Variants in MORC2 observed in about 807,000 individuals in gnomAD.
MORC2 encodes ATPase MORC2.
A neutral mutation model predicts 136.0 loss-of-function variants in MORC2; 30 were observed. The observed-to-expected ratio is 0.22, with a 90% CI of 0.17 to 0.30. The LOEUF is 0.30. Ranked by LOEUF, MORC2 falls within the 10% of genes least tolerant of loss-of-function variation. The pLI is 1.00. For missense variants in MORC2, 922 were observed against 1,333.1 expected (o/e 0.69, Z 4.80); for synonymous variants, 439 against 487.0 (o/e 0.90, Z 1.30).
intron 1 of MORC2, 81 bp downstream of exon 1, chr22:30,967,741 A>G (rs775624779): frequency 2.2e-5 from 34 of 1,541,158 alleles, no homozygotes; most frequent in Non-Finnish European, 3.0e-5. Context: ...TGAAAAAGCA[A>G]AATTTTCTGG....
chr22:30,960,074 T>C (rs2041021451), intron 1 of MORC2, among the ~76,000 whole-genome samples: 1 of 152,160 alleles, frequency 6.6e-6, no homozygotes, highest in South Asian at 2.1e-4. Flanking sequence ...TTCAAGTGAT[T>C]CTCCTGCCTT....
chr22:30,945,053 T>C (rs2040795904), intron 6 of MORC2, among the ~76,000 whole-genome samples: 1 of 152,186 alleles, frequency 6.6e-6, no homozygotes, highest in Non-Finnish European at 1.5e-5. Context: ...ACCACCTTTC[T>C]CCAGGTGGCC....
intron 6 of MORC2, among the ~76,000 whole-genome samples, chr22:30,943,833 G>C (rs918303753): frequency 6.6e-6 from 1 of 152,132 alleles, no homozygotes; most frequent in African/African-American, 2.4e-5. Flanking sequence ...CCAATGGCAC[G>C]ATCTCGGCTC....
chr22:30,932,297 CAA>C lies in MORC2; in HGVS notation c.2841+60_2841+61del. On this transcript the variant is annotated intron_variant, in intron 24 of 25. Coordinates refer to ENST00000397641, the MANE Select transcript of MORC2 (RefSeq NM_001303256.3). The surrounding 1 kb of genome is among the most constrained non-coding windows in gnomAD (Gnocchi z 4.4). ...ACAATCATAATCACAACAGTTACAA[CAA>C]ATGCAGGGGCAGGGGTGGGGGAATG... 1 of 1,375,272 alleles carries C rather than the reference CAA, an allele frequency of 7.3e-7. No homozygotes were observed. Among genetic ancestry groups the C allele is most frequent in the Non-Finnish European group, 1.0e-6 (1 of 983,084 alleles). 85.2% of individuals were successfully genotyped at this position (1,375,272 alleles called of 1,614,324 possible). A position where few individuals can be genotyped will look rare whatever the true frequency, so the allele number is the denominator to read the frequency against.
intron 1 of MORC2, among the ~76,000 whole-genome samples, chr22:30,962,594 CAA>C (rs11317522): frequency 1.1e-3 from 131 of 117,262 alleles, no homozygotes; most frequent in Non-Finnish European, 1.4e-3. Flanking sequence ...GACCCTGTCT[CAA>C]AAAAAAAAAA....
chr22:30,965,540 G>A (rs2041115462), intron 1 of MORC2, among the ~76,000 whole-genome samples: 1 of 152,208 alleles, frequency 6.6e-6, no homozygotes, highest in African/African-American at 2.4e-5. Context: ...CATCAAAAAG[G>A]AGAACAACTT....
In MORC2 at chr22:30,938,127, G is replaced by A. The variant is rs1246103819; in HGVS notation, c.1152C>T (p.Ile384=). ...IEHRDLDGMF[I]YNCSRLIKMY... ...TTTTGATCAGTCGGCTACAGTTGTAGATGAACATGCCATCCAGATCCCGGT... is the reference window on the plus strand; with the variant it reads ...TTTTGATCAGTCGGCTACAGTTGTAAATGAACATGCCATCCAGATCCCGGT... The change falls in exon 13 of 26, where the codon ATC becomes ATT. Residue 384 remains isoleucine, a synonymous_variant. Coordinates refer to ENST00000397641, the MANE Select transcript of MORC2 (RefSeq NM_001303256.3). 7 of 1,614,100 alleles carry A rather than the reference G, an allele frequency of 4.3e-6. No individual in the cohort carries two copies. The East Asian group carries it at 1.3e-4, about 31-fold the overall frequency.
chr22:30,943,753 G>T (rs2040774395), intron 6 of MORC2, among the ~76,000 whole-genome samples: 1 of 151,842 alleles, frequency 6.6e-6, no homozygotes, highest in Non-Finnish European at 1.5e-5. Flanking sequence ...TATTTTTTTT[G>T]AGACGGAGTC....
intron 4 of MORC2, 40 bp downstream of exon 4, chr22:30,950,337 G>GCGGGGGGCCCCCCC: frequency 2.6e-6 from 2 of 761,732 alleles, no homozygotes; most frequent in East Asian, 2.5e-5. Context: ...TGGTTACATC[G>GCGGGGGGCCCCCCC]CACCCCCCCA....
chr22:30,959,398 A>T (rs1345747519), intron 1 of MORC2, among the ~76,000 whole-genome samples: 1 of 152,238 alleles, frequency 6.6e-6, no homozygotes, highest in Non-Finnish European at 1.5e-5. Flanking sequence ...AAAATCTGAG[A>T]AAGTCATAAA....
At position 30,937,978 on chromosome 22, in the gene MORC2, AGAAAG is replaced by A. The variant is rs762932002; in HGVS notation, c.1215-14_1215-10del. ...CAACCCCGCCACATGCCCTACAGGG[AGAAAG>A]AGAACAAGCTCTGTCACCCCACTGG... On this transcript the variant is annotated splice_polypyrimidine_tract_variant and intron_variant, in intron 13 of 25. Coordinates refer to ENST00000397641, the MANE Select transcript of MORC2 (RefSeq NM_001303256.3). This position sits in a 1 kb window ranked among gnomAD's most constrained non-coding sequence, Gnocchi z 4.7. 4.3e-6 allele frequency: 7 copies of A among 1,613,936 alleles called. No individual in the cohort carries two copies. Among genetic ancestry groups the A allele is most frequent in the Non-Finnish European group, 1.7e-6 (2 of 1,180,004 alleles).
chr22:30,933,361 G>C, intron 21 of MORC2, 105 bp downstream of exon 21: 1 of 1,286,476 alleles, frequency 7.8e-7, no homozygotes, highest in Non-Finnish European at 1.1e-6. Flanking sequence ...CCCAGACCCA[G>C]GACAGATTCA....
At chr22:30,951,555 A>G (rs531127332) in intron 3 of MORC2, among the ~76,000 whole-genome samples, 28 of 152,348 alleles carry the variant, frequency 1.8e-4, no homozygotes, top group Non-Finnish European at 7.3e-5. Flanking sequence ...ACTGACTGGC[A>G]CAGGGATAAA....
chr22:30,933,641 T>A, intron 20 of MORC2, 121 bp from the exon 21 acceptor site: 2 of 994,404 alleles, frequency 2.0e-6, no homozygotes, highest in Non-Finnish European at 3.1e-6. Flanking sequence ...ACAGTTTAAA[T>A]CACCAAGCCC....
Position 30,925,262 on chromosome 22 carries a change from C to T in MORC2, c.*1541G>A, listed in dbSNP as rs911474636. On this transcript the variant is annotated 3_prime_UTR_variant, in exon 26 of 26. Transcript: ENST00000397641. ...TGGATTAAAACATTAGGTTTGGGGA[C>T]AAAAGTGGACCCCATGCTGCCTGAG... 6.8e-6 allele frequency: 2 copies of T among 294,556 alleles called. No homozygotes were observed. Among genetic ancestry groups the T allele is most frequent in the Non-Finnish European group, 1.3e-5 (2 of 151,042 alleles). 18.2% of individuals were successfully genotyped at this position (294,556 alleles called of 1,614,324 possible). A position where few individuals can be genotyped will look rare whatever the true frequency, so the allele number is the denominator to read the frequency against.
At chr22:30,963,444 G>A (rs186075747) in intron 1 of MORC2, 24 of 401,768 alleles carry the variant, frequency 6.0e-5, no homozygotes, top group Admixed American at 1.3e-4. Flanking sequence ...GGAGTGCAGC[G>A]GCATGATCTC....
chr22:30,967,469 G>A (rs2041145725), intron 1 of MORC2: 1 of 1,039,492 alleles, frequency 9.6e-7, no homozygotes, highest in Non-Finnish European at 1.2e-6. Flanking sequence ...ACTACAGAGG[G>A]GAAACGGTTG....
rs2040748114 is a variant in MORC2 at position 30,941,986 on chromosome 22, G to A, written c.603C>T (p.Ile201=). The A allele has an allele frequency of 1.2e-6, 2 of 1,613,442 alleles. No individual in the cohort carries two copies. Among genetic ancestry groups the A allele is most frequent in the African/African-American group, 1.3e-5 (1 of 74,884 alleles). Residue 201 remains isoleucine, a synonymous_variant, in exon 8 of 26, where the codon ATC becomes ATT. Transcript: ENST00000397641. This position sits in a 1 kb window ranked among gnomAD's most constrained non-coding sequence, Gnocchi z 4.6. ...CATTATCCATGAGTTTGAGATTGAAGATGATCACCAATGTTCCTGAGAAAC... is the reference window on the plus strand; with the variant it reads ...CATTATCCATGAGTTTGAGATTGAAAATGATCACCAATGTTCCTGAGAAAC... ...IPGDSGTLVI[I]FNLKLMDNGE...
chr22:30,935,772 A>G (rs1447528380), intron 17 of MORC2, among the ~76,000 whole-genome samples: 3 of 152,248 alleles, frequency 2.0e-5, no homozygotes, highest in African/African-American at 7.2e-5. Flanking sequence ...TATCACAGAC[A>G]TATCTAGAAA....
Sources: gnomAD v4.1 joint callset for allele counts (sites outside exome capture counted in the v4.1 genomes callset) on GRCh38, gnomAD v4.1.1 for gene constraint, Gnocchi (gnomAD v3.1) non-coding constraint, MANE v1.5 for transcripts, NCBI Gene and HGNC (gene_info 2026-07-23, HGNC 2026-07-21) for gene names.